MCC: variants seen among roughly 807,000 people sequenced by gnomAD.
The protein encoded by MCC is colorectal mutant cancer protein.
Under a neutral mutation model 116.2 loss-of-function variants are expected in MCC, and 90 were observed. The observed-to-expected ratio is 0.77, with a 90% CI of 0.65 to 0.92. The LOEUF (loss-of-function observed/expected upper bound fraction) is 0.92. Ranked by LOEUF, MCC falls within the 40% of genes least tolerant of loss-of-function variation. The pLI is 0.00. For missense variants in MCC, 1,516 were observed against 1,312.2 expected (o/e 1.16, Z -2.40); for synonymous variants, 578 against 510.5 (o/e 1.13, Z -1.78).
rs149930587 is a variant in MCC, at chr5:113,251,273, C to T, written c.627+89246G>A. On this transcript the variant is annotated intron_variant, in intron 3 of 18. Transcript: ENST00000408903. ...TATTTTCTTCCATAACTTTAATTAG[C>T]ACTGTCTGCGTTTTTTTAAGTTGGT... 9.1e-4 allele frequency among the ~76,000 whole-genome samples: 138 copies of T among 152,336 alleles called. 2 individuals carry two copies. In the East Asian group the frequency reaches 0.025, roughly 27 times the overall value.
intron 14 of MCC, among the ~76,000 whole-genome samples, chr5:113,055,731 A>C (rs984153325): frequency 6.6e-6 from 1 of 152,196 alleles, no homozygotes; most frequent in Non-Finnish European, 1.5e-5. Flanking sequence ...GGGCTGGGCT[A>C]TGTGCGCAGT....
chr5:113,487,156 A>T (rs554929765), intron 1 of MCC, among the ~76,000 whole-genome samples: 7 of 151,136 alleles, frequency 4.6e-5, no homozygotes, highest in African/African-American at 2.4e-5. Flanking sequence ...CAAATAAATA[A>T]TTTTTTTTAT....
chr5:113,223,296 A>C (rs1763618328), intron 3 of MCC, among the ~76,000 whole-genome samples: 1 of 152,186 alleles, frequency 6.6e-6, no homozygotes, highest in African/African-American at 2.4e-5. Context: ...CCAAAGTTTA[A>C]AACTCTGGGA....
intron 1 of MCC, among the ~76,000 whole-genome samples, chr5:113,408,252 C>T (rs529699555): frequency 6.6e-6 from 1 of 152,148 alleles, no homozygotes; most frequent in Non-Finnish European, 1.5e-5. Flanking sequence ...CAAAAATAAA[C>T]TTAACATATA....
chr5:113,092,978 G>C (rs1013794230), intron 8 of MCC, among the ~76,000 whole-genome samples: 3 of 152,186 alleles, frequency 2.0e-5, no homozygotes, highest in African/African-American at 7.2e-5. Context: ...AATGCAATAG[G>C]TGGGTCACTA....
At chr5:113,350,213 A>G (rs1351644287) in intron 2 of MCC, among the ~76,000 whole-genome samples, 2 of 152,158 alleles carry the variant, frequency 1.3e-5, no homozygotes, top group Non-Finnish European at 2.9e-5. Context: ...ACGTGAAACC[A>G]CAAAAGACCC....
chr5:113,388,951 A>C (rs999781241), intron 1 of MCC, among the ~76,000 whole-genome samples: 6 of 152,212 alleles, frequency 3.9e-5, no homozygotes, highest in African/African-American at 1.4e-4. Flanking sequence ...ACATTTTGGC[A>C]TGAGAAAACA....
intron 14 of MCC, among the ~76,000 whole-genome samples, chr5:113,056,939 G>T (rs563017113): frequency 6.6e-6 from 1 of 152,324 alleles, no homozygotes; most frequent in East Asian, 1.9e-4. Context: ...ATGAAGCAGG[G>T]AAGAGGCGTG....
chr5:113,272,288 G>C (rs1371053909), intron 3 of MCC, among the ~76,000 whole-genome samples: 1 of 152,074 alleles, frequency 6.6e-6, no homozygotes, highest in Admixed American at 6.5e-5. Flanking sequence ...CTCTAATATT[G>C]TAAGTCTAGT....
intron 3 of MCC, among the ~76,000 whole-genome samples, chr5:113,161,956 C>T (rs1760509362): frequency 6.6e-6 from 1 of 152,218 alleles, no homozygotes; most frequent in African/African-American, 2.4e-5. Flanking sequence ...CTTGTCTTGC[C>T]TCACCACAGG....
chr5:113,097,358 T>G (rs1016875411), intron 8 of MCC, among the ~76,000 whole-genome samples: 3 of 152,236 alleles, frequency 2.0e-5, no homozygotes, highest in African/African-American at 7.2e-5. Context: ...TACAATGATA[T>G]GAATACATTC....
At chr5:113,343,459 G>C (rs1320723796) in intron 2 of MCC, among the ~76,000 whole-genome samples, 1 of 152,198 alleles carries the variant, frequency 6.6e-6, no homozygotes, top group South Asian at 2.1e-4. Context: ...AACACTGTCT[G>C]TTATCTGCCT....
intron 3 of MCC, among the ~76,000 whole-genome samples, chr5:113,165,335 T>C (rs1760710718): frequency 1.3e-5 from 2 of 152,196 alleles, no homozygotes; most frequent in Non-Finnish European, 2.9e-5. Context: ...CAACATTATC[T>C]TAATATAAAA....
At chr5:113,140,621 G>A (rs59915546) in intron 5 of MCC, among the ~76,000 whole-genome samples, 8,559 of 152,206 alleles carry the variant, frequency 0.056, 323 homozygotes, top group East Asian at 0.12. Flanking sequence ...CTATGAGATT[G>A]TCATTTTCTT....
chr5:113,312,053 C>T (rs1371743976), intron 3 of MCC, among the ~76,000 whole-genome samples: 4 of 152,140 alleles, frequency 2.6e-5, no homozygotes, highest in Admixed American at 1.3e-4. Context: ...TTGCAGTGAG[C>T]CGAGGTCGCG....
At chr5:113,112,077 C>A (rs1322538601) in intron 6 of MCC, among the ~76,000 whole-genome samples, 1 of 152,220 alleles carries the variant, frequency 6.6e-6, no homozygotes, top group Non-Finnish European at 1.5e-5. Context: ...CCACCTGATT[C>A]CAACCAAGCA....
At chr5:113,238,971 G>A (rs767428128) in intron 3 of MCC, among the ~76,000 whole-genome samples, 2 of 152,070 alleles carry the variant, frequency 1.3e-5, no homozygotes, top group African/African-American at 2.4e-5. Flanking sequence ...TAAAAGATGA[G>A]GTAACTATGA....
intron 3 of MCC, among the ~76,000 whole-genome samples, chr5:113,260,445 G>A (rs1220680051): frequency 6.6e-6 from 1 of 152,094 alleles, no homozygotes; most frequent in Non-Finnish European, 1.5e-5. Flanking sequence ...TTAGGTTGAA[G>A]TACATAAAGA....
chr5:113,336,053 T>A (rs1402765452), intron 3 of MCC, among the ~76,000 whole-genome samples: 1 of 151,384 alleles, frequency 6.6e-6, no homozygotes, highest in Non-Finnish European at 1.5e-5. Flanking sequence ...TGTTATCACA[T>A]GGTGAAAGAG....
Sources: gnomAD v4.1 joint callset for allele counts (sites outside exome capture counted in the v4.1 genomes callset) on GRCh38, gnomAD v4.1.1 for gene constraint, MANE v1.5 for transcripts, NCBI Gene and HGNC (gene_info 2026-07-23, HGNC 2026-07-21) for gene names.